The following TBXAS1 variants were observed in gnomAD, a reference collection of about 807,000 sequenced individuals.
TBXAS1 encodes the protein thromboxane A synthase 1, also known as thromboxane-A synthase.
Under a neutral mutation model 60.7 loss-of-function variants are expected in TBXAS1, and 48 were observed. The ratio of observed to expected loss-of-function variants is 0.79; its 90% confidence interval spans 0.63 to 1.01. The LOEUF is 1.01. Ranked by LOEUF, TBXAS1 falls within the 50% of genes least tolerant of loss-of-function variation. The probability of loss-of-function intolerance (pLI) is 0.00; values close to 1 mark genes in which losing one functional copy is unlikely to be tolerated. For synonymous variants in TBXAS1, 287 were observed against 269.7 expected, an observed-to-expected ratio of 1.06 and a Z score of -0.63; for missense variants, 685 against 686.3, an observed-to-expected ratio of 1.00 and a Z score of 0.02.
chr7:139,971,405 T>G (rs1214693880), intron 9 of TBXAS1, among the ~76,000 whole-genome samples: 1 of 148,230 alleles, frequency 6.7e-6, no homozygotes, highest in Non-Finnish European at 1.5e-5. Flanking sequence ...AGTCACAAGT[T>G]CCCAAAGCAG....
intron 9 of TBXAS1, among the ~76,000 whole-genome samples, chr7:139,968,118 C>T (rs1253037948): frequency 2.0e-5 from 3 of 152,124 alleles, no homozygotes; most frequent in Non-Finnish European, 4.4e-5. Flanking sequence ...AAACCCCTGG[C>T]GCATATAAAG....
chr7:139,792,045 C>T (rs1047222696), intron 4 of TBXAS1, among the ~76,000 whole-genome samples: 3 of 152,092 alleles, frequency 2.0e-5, no homozygotes, highest in African/African-American at 7.2e-5. Flanking sequence ...AGAAAGCACA[C>T]CTCAAGACTG....
Position 140,007,114 on chromosome 7 carries a change from C to T in TBXAS1, c.1158C>T (p.Leu386=), listed in dbSNP as rs761978514. The change falls in exon 10 of 13, where the codon CTC becomes CTT. Residue 386 remains leucine, a synonymous_variant. Coordinates refer to ENST00000448866, the MANE Select transcript of TBXAS1 (RefSeq NM_001061.7). ...EKHMAPEFCS[L]EEGLPYLDMV... ...AGATGGCCCCTGAGTTCTGCAGCCT[C>T]GAGGAAGGCCTGCCCTATCTGGACA... The T allele has an allele frequency of 2.1e-5, 34 of 1,614,038 alleles. No homozygotes were observed. The highest frequency in any genetic ancestry group is 4.4e-5 in the South Asian group (4 of 91,080).
At chr7:139,891,123 G>C (rs1803572881) in intron 3 of TBXAS1, among the ~76,000 whole-genome samples, 1 of 152,008 alleles carries the variant, frequency 6.6e-6, no homozygotes, top group Non-Finnish European at 1.5e-5. Context: ...ACTGTCCCAG[G>C]AGGAGATACC....
At chr7:139,915,311 TCTC>T (rs1246483032) in intron 4 of TBXAS1, among the ~76,000 whole-genome samples, 12 of 152,236 alleles carry the variant, frequency 7.9e-5, no homozygotes, top group African/African-American at 2.9e-4. Context: ...AGACGTGATT[TCTC>T]CTTACTGACA....
intron 4 of TBXAS1, among the ~76,000 whole-genome samples, chr7:139,934,209 A>G (rs1807561692): frequency 6.7e-6 from 1 of 150,174 alleles, no homozygotes; most frequent in Non-Finnish European, 1.5e-5. Context: ...TTTTTTTGAG[A>G]TGAAGTTTCA....
At chr7:139,940,150 C>T (rs780574857) in intron 5 of TBXAS1, among the ~76,000 whole-genome samples, 10 of 152,208 alleles carry the variant, frequency 6.6e-5, no homozygotes, top group South Asian at 2.1e-4. Flanking sequence ...AAAAGCAGCT[C>T]CCCTTTGCAT....
chr7:140,002,330 T>C (rs1244113303), intron 9 of TBXAS1, among the ~76,000 whole-genome samples: 4 of 152,202 alleles, frequency 2.6e-5, no homozygotes, highest in African/African-American at 7.2e-5. Flanking sequence ...TTATAATAAA[T>C]TCTATGTTGA....
intron 2 of TBXAS1, among the ~76,000 whole-genome samples, chr7:139,781,104 CAG>C (rs1461346301): frequency 2.6e-5 from 4 of 152,224 alleles, no homozygotes; most frequent in African/African-American, 9.6e-5. Flanking sequence ...GCCATACAGA[CAG>C]AGGTCCACCT....
At chr7:139,847,589 C>T (rs528445914) in intron 1 of TBXAS1, among the ~76,000 whole-genome samples, 3 of 152,302 alleles carry the variant, frequency 2.0e-5, no homozygotes, top group African/African-American at 7.2e-5. Context: ...TTTGACTCCA[C>T]CCCAGGCACC....
intron 1 of TBXAS1, among the ~76,000 whole-genome samples, chr7:139,857,623 C>A (rs1400032952): frequency 1.3e-5 from 2 of 152,148 alleles, no homozygotes; most frequent in Non-Finnish European, 2.9e-5. Flanking sequence ...CTACTGTTTG[C>A]TGTACCTTCA....
chr7:139,981,169 G>A (rs1483359030), intron 9 of TBXAS1, among the ~76,000 whole-genome samples: 22 of 152,072 alleles, frequency 1.4e-4, no homozygotes, highest in Non-Finnish European at 2.9e-4. Flanking sequence ...GTGCAGTGGC[G>A]CGATCTCGGC....
intron 4 of TBXAS1, among the ~76,000 whole-genome samples, chr7:139,935,294 G>T (rs1277388465): frequency 6.6e-6 from 1 of 152,178 alleles, no homozygotes; most frequent in Non-Finnish European, 1.5e-5. Context: ...CTTTAAATCA[G>T]CTCTGGATTA....
intron 9 of TBXAS1, among the ~76,000 whole-genome samples, chr7:139,991,329 A>G (rs1403960365): frequency 8.1e-6 from 1 of 122,702 alleles, no homozygotes; most frequent in African/African-American, 3.1e-5. Flanking sequence ...ATGCCCCCAT[A>G]TGTTGCCCCC....
Position 139,918,965 on chromosome 7 carries a change from A to AT in TBXAS1, c.333+7654dup, listed in dbSNP as rs8192831. ...GACCACTACTGTTTTCATTTTTGGT[A>AT]TTTTTTTTTTACATTTTAATTTTTT... On this transcript the variant is annotated intron_variant, in intron 4 of 12. Coordinates refer to ENST00000448866, the MANE Select transcript of TBXAS1 (RefSeq NM_001061.7). Among the ~76,000 whole-genome samples, 553 of 149,828 alleles carry AT rather than the reference A, an allele frequency of 3.7e-3. 4 individuals carry two copies. Among genetic ancestry groups the AT allele is most frequent in the Middle Eastern group, 0.017 (5 of 286 alleles).
At chr7:139,822,050 C>T (rs1169908610) in intron 4 of TBXAS1, among the ~76,000 whole-genome samples, 3 of 152,182 alleles carry the variant, frequency 2.0e-5, no homozygotes, top group South Asian at 4.1e-4. Context: ...TTCCTCTCAA[C>T]CATCCTAGGC....
chr7:139,987,351 C>A (rs148501227), intron 9 of TBXAS1, among the ~76,000 whole-genome samples: 2,765 of 152,246 alleles, frequency 0.018, 37 homozygotes, highest in South Asian at 0.033. Context: ...TATTTCTATT[C>A]CCCCAACCAA....
intron 1 of TBXAS1, among the ~76,000 whole-genome samples, chr7:139,855,490 G>T (rs1012591841): frequency 1.1e-4 from 16 of 152,026 alleles, no homozygotes; most frequent in African/African-American, 3.9e-4. Context: ...CAGAGTGGGG[G>T]ATGTCAGGAG....
chr7:139,923,161 A>AATATATATATATATATATATAT (rs147721420), intron 4 of TBXAS1, among the ~76,000 whole-genome samples: 62 of 150,346 alleles, frequency 4.1e-4, no homozygotes, highest in African/African-American at 1.4e-3. Flanking sequence ...CTACTAAACA[A>AATATATATATATATATATATAT]ATATATATAT....
Sources: allele counts gnomAD v4.1 joint callset (sites outside exome capture counted in the v4.1 genomes callset), GRCh38; gene constraint gnomAD v4.1.1; transcripts MANE v1.5; gene names NCBI Gene and HGNC (gene_info 2026-07-23, HGNC 2026-07-21).